USP34: variants seen among roughly 807,000 people sequenced by gnomAD.
USP34 encodes the protein ubiquitin specific peptidase 34.
USP34 carries 70 observed loss-of-function variants against 460.3 expected under a neutral mutation model. That is an observed-to-expected ratio of 0.15 (90% CI 0.13 to 0.19). The LOEUF (loss-of-function observed/expected upper bound fraction) is 0.19. Among genes scored for constraint, USP34 ranks in the 10% least tolerant of loss-of-function variants. The pLI is 1.00. For synonymous variants in USP34, 1,647 were observed against 1,405.3 expected, an observed-to-expected ratio of 1.17 and a Z score of -3.85; for missense variants, 3,985 against 4,236.2, an observed-to-expected ratio of 0.94 and a Z score of 1.65.
rs1691850997 is a variant in USP34, at chr2:61,348,839, G to T, written c.1591C>A (p.Gln531Lys). 3.7e-6 allele frequency: 6 copies of T among 1,613,682 alleles called. No homozygotes were observed. Among genetic ancestry groups the T allele is most frequent in the African/African-American group, 1.3e-5 (1 of 74,920 alleles). Residue 531 changes from glutamine to lysine, a missense_variant, in exon 14 of 80, where the codon CAA becomes AAA. Physicochemically the swap from Gln to Lys is moderately conservative, Grantham distance 53. This residue lies in a region of USP34 where 716 missense variants were observed against 626.2 expected (regional missense o/e 1.14). Coordinates refer to ENST00000398571, the MANE Select transcript of USP34 (RefSeq NM_014709.4). ...ATTTCAATGTCACTACCTCCACTTT[G>T]ATGTGTATCGCTATTATCACTGCTT... ...PQSSDNSDTHQSGGSDIEMDE... is the reference protein window; with the variant it reads ...PQSSDNSDTHKSGGSDIEMDE...
chr2:61,240,349 G>C (rs1688216817), intron 53 of USP34, among the ~76,000 whole-genome samples: 1 of 152,108 alleles, frequency 6.6e-6, no homozygotes, highest in African/African-American at 2.4e-5. Context: ...GAGTGCAGTG[G>C]TGCGATCTCG....
At chr2:61,391,640 T>C (rs766262799) in intron 5 of USP34, among the ~76,000 whole-genome samples, 3 of 152,108 alleles carry the variant, frequency 2.0e-5, no homozygotes, top group South Asian at 2.1e-4. Context: ...CAAAACACCA[T>C]GGCTAAACAA....
intron 20 of USP34, among the ~76,000 whole-genome samples, chr2:61,330,986 A>T (rs1477579701): frequency 6.6e-6 from 1 of 152,160 alleles, no homozygotes; most frequent in African/African-American, 2.4e-5. Flanking sequence ...TTTCTGAAAA[A>T]ATGTATTTAC....
rs771114920 is a variant in USP34, at chr2:61,206,839, A to G, written c.8967T>C (p.His2989=). 1.9e-5 allele frequency: 30 copies of G among 1,613,704 alleles called. No individual in the cohort carries two copies. The highest frequency in any genetic ancestry group is 1.6e-4 in the Middle Eastern group (1 of 6,084). The change falls in exon 71 of 80, where the codon CAT becomes CAC. Residue 2989 remains histidine (H), a synonymous_variant. Transcript: ENST00000398571. The stretch of plus-strand genomic sequence containing the variant: ...GAAGTTCTACTAAATCTCCAGTCAC[A>G]TGGCAAGCTGTAGCTTCGTGATACA... ...HMMYHEATAC[H]VTGDLVELLS...
chr2:61,246,550 T>G lies in USP34; in HGVS notation c.6395-73A>C. 3 of 1,040,974 alleles carry G rather than the reference T, an allele frequency of 2.9e-6. No individual in the cohort carries two copies. The Admixed American group carries it at 1.1e-4, about 39-fold the overall frequency. The allele number at this position is 1,040,974 out of a possible 1,614,324, so 64.5% of individuals were successfully genotyped here. A position where few individuals can be genotyped will look rare whatever the true frequency, so the allele number is the denominator to read the frequency against. On this transcript the variant is annotated intron_variant, in intron 49 of 79. Transcript: ENST00000398571. ...AGTTACTTAGAAACACTTTTTAAAA[T>G]AAACTTTATCAATTACAATATTTTA...
At chr2:61,328,135 T>C (rs567041749) in intron 20 of USP34, among the ~76,000 whole-genome samples, 3 of 151,948 alleles carry the variant, frequency 2.0e-5, no homozygotes, top group Non-Finnish European at 2.9e-5. Context: ...AAACCTTGTC[T>C]CTACTAAAAA....
At chr2:61,213,253 G>A (rs1286316520) in intron 68 of USP34, among the ~76,000 whole-genome samples, 1 of 152,114 alleles carries the variant, frequency 6.6e-6, no homozygotes, top group Admixed American at 6.5e-5. Flanking sequence ...GGGCTCGAGT[G>A]ATCCGCCTCT....
intron 29 of USP34, among the ~76,000 whole-genome samples, chr2:61,297,611 T>C (rs1406993640): frequency 6.6e-6 from 1 of 152,182 alleles, no homozygotes; most frequent in Non-Finnish European, 1.5e-5. Flanking sequence ...GGAGTATAAA[T>C]TTATTACTAC....
At chr2:61,253,296 A>T (rs1318404832) in intron 48 of USP34, among the ~76,000 whole-genome samples, 1 of 152,220 alleles carries the variant, frequency 6.6e-6, no homozygotes, top group East Asian at 1.9e-4. Context: ...TATTCAATAC[A>T]TTTATTCCAA....
intron 21 of USP34, among the ~76,000 whole-genome samples, chr2:61,319,891 A>G (rs1311465201): frequency 6.6e-6 from 1 of 152,324 alleles, no homozygotes; most frequent in East Asian, 1.9e-4. Context: ...AGAAGTTAAC[A>G]CTTTGAATAT....
chr2:61,310,570 T>C (rs1488206901), intron 27 of USP34, among the ~76,000 whole-genome samples: 1 of 150,972 alleles, frequency 6.6e-6, no homozygotes, highest in African/African-American at 2.4e-5. Flanking sequence ...TGTATATATA[T>C]TCTTACATTA....
intron 62 of USP34, chr2:61,223,553 G>C: frequency 2.6e-6 from 1 of 385,060 alleles, no homozygotes; most frequent in Non-Finnish European, 4.6e-6. Flanking sequence ...AAAACAGTAG[G>C]ATGGGTCTTA....
At chr2:61,443,989 G>A (rs959274091) in intron 1 of USP34, among the ~76,000 whole-genome samples, 1 of 152,162 alleles carries the variant, frequency 6.6e-6, no homozygotes, top group Non-Finnish European at 1.5e-5. Context: ...AAATAATGCT[G>A]ACCAGGCAAG....
At chr2:61,399,648 G>T (rs773762274) in intron 3 of USP34, among the ~76,000 whole-genome samples, 3 of 151,852 alleles carry the variant, frequency 2.0e-5, no homozygotes, top group Non-Finnish European at 4.4e-5. Flanking sequence ...TGAGGCAGAC[G>T]GATCACGAGG....
intron 41 of USP34, among the ~76,000 whole-genome samples, chr2:61,272,288 G>A (rs540104562): frequency 1.3e-5 from 2 of 151,972 alleles, no homozygotes; most frequent in Non-Finnish European, 2.9e-5. Context: ...GCGGGCACCT[G>A]TAGTCCCAGC....
At chr2:61,222,871 A>G in intron 64 of USP34, 189 bp downstream of exon 64, 3 of 687,728 alleles carry the variant, frequency 4.4e-6, no homozygotes, top group Non-Finnish European at 7.3e-6. Context: ...AGATTTTTCT[A>G]TTTTGTGTAG....
At chr2:61,469,074 T>TG (rs2104129632) in intron 1 of USP34, among the ~76,000 whole-genome samples, 1 of 152,138 alleles carries the variant, frequency 6.6e-6, no homozygotes, top group Non-Finnish European at 1.5e-5. Flanking sequence ...GGGCATGGTG[T>TG]GGGGAACCTA....
chr2:61,425,460 C>T (rs1239357923), intron 1 of USP34, among the ~76,000 whole-genome samples: 1 of 152,046 alleles, frequency 6.6e-6, no homozygotes, highest in African/African-American at 2.4e-5. Context: ...AGGGACAACA[C>T]AGCAACTGCA....
At chr2:61,397,895 T>C (rs1390418648) in intron 3 of USP34, among the ~76,000 whole-genome samples, 2 of 147,854 alleles carry the variant, frequency 1.4e-5, no homozygotes, top group Admixed American at 6.7e-5. Context: ...CAAGACTTCA[T>C]CTCAAAGAAA....
Sources: gnomAD v4.1 joint callset for allele counts (sites outside exome capture counted in the v4.1 genomes callset) on GRCh38, gnomAD v4.1.1 for gene constraint, gnomAD v4.1.1 regional missense constraint, MANE v1.5 for transcripts, NCBI Gene and HGNC (gene_info 2026-07-23, HGNC 2026-07-21) for gene names.